The following WWOX variants were observed in gnomAD, a reference collection of about 807,000 sequenced individuals.
WWOX encodes WW domain containing oxidoreductase.
WWOX carries 69 observed loss-of-function variants against 46.2 expected under a neutral mutation model. The ratio of observed to expected loss-of-function variants is 1.49; its 90% CI spans 1.23 to 1.82. WWOX has a LOEUF of 1.82. Ranked by LOEUF, WWOX falls within the 40% of genes most tolerant of loss-of-function variation. WWOX has a pLI of 0.00. For missense variants in WWOX, 919 were observed against 542.6 expected (o/e 1.69, Z -6.89); for synonymous variants, 359 against 202.6 (o/e 1.77, Z -6.56).
At chr16:78,537,935 C>T (rs180785657) in intron 8 of WWOX, among the ~76,000 whole-genome samples, 60 of 152,100 alleles carry the variant, frequency 3.9e-4, no homozygotes, top group Admixed American at 2.6e-4. Context: ...ACAGCAGCCC[C>T]GGCCTATCTC....
intron 8 of WWOX, among the ~76,000 whole-genome samples, chr16:78,546,032 A>G (rs2044022938): frequency 6.6e-6 from 1 of 152,194 alleles, no homozygotes; most frequent in South Asian, 2.1e-4. Flanking sequence ...TTAGTCTGTA[A>G]CATGCTCTAT....
At chr16:78,951,634 G>T (rs188563619) in intron 8 of WWOX, among the ~76,000 whole-genome samples, 126 of 152,330 alleles carry the variant, frequency 8.3e-4, no homozygotes, top group African/African-American at 2.7e-3. Flanking sequence ...GACAGTGGCA[G>T]TCTTGATGTC....
intron 8 of WWOX, among the ~76,000 whole-genome samples, chr16:78,520,722 C>T (rs1222258370): frequency 2.0e-5 from 3 of 151,946 alleles, no homozygotes; most frequent in African/African-American, 7.3e-5. Context: ...CTGCATTGGC[C>T]ACCCCTGTAC....
At chr16:79,007,799 C>T (rs2047219593) in intron 8 of WWOX, among the ~76,000 whole-genome samples, 1 of 152,180 alleles carries the variant, frequency 6.6e-6, no homozygotes, top group South Asian at 2.1e-4. Context: ...TTATCATTGA[C>T]TAATAATGGT....
At chr16:79,018,802 C>T (rs981830332) in intron 8 of WWOX, among the ~76,000 whole-genome samples, 8 of 152,048 alleles carry the variant, frequency 5.3e-5, no homozygotes, top group Non-Finnish European at 1.2e-4. Context: ...TTTTGTTCCC[C>T]ATAGACCCAA....
chr16:79,058,094 A>T (rs187145927), intron 8 of WWOX, among the ~76,000 whole-genome samples: 41 of 147,044 alleles, frequency 2.8e-4, no homozygotes, highest in Admixed American at 1.2e-3. Flanking sequence ...AGAGTAGGAG[A>T]TATATCTTAC....
At chr16:78,343,329 C>G (rs1316374168) in intron 5 of WWOX, among the ~76,000 whole-genome samples, 1 of 121,328 alleles carries the variant, frequency 8.2e-6, no homozygotes, top group South Asian at 2.5e-4. Flanking sequence ...TCCTCGCCTA[C>G]TTGCTTCTAG....
intron 8 of WWOX, among the ~76,000 whole-genome samples, chr16:79,070,956 T>C (rs905662880): frequency 6.6e-6 from 1 of 152,178 alleles, no homozygotes; most frequent in Non-Finnish European, 1.5e-5. Context: ...AGGTGGTTTC[T>C]TACTATGTCC....
At chr16:78,847,627 T>A (rs1039436216) in intron 8 of WWOX, among the ~76,000 whole-genome samples, 2 of 152,098 alleles carry the variant, frequency 1.3e-5, no homozygotes, top group African/African-American at 4.8e-5. Flanking sequence ...AGCCACTGCA[T>A]CTAGCCACAA....
At chr16:78,628,759 TGAAAG>T (rs1385196018) in intron 8 of WWOX, among the ~76,000 whole-genome samples, 2 of 152,180 alleles carry the variant, frequency 1.3e-5, no homozygotes, top group African/African-American at 2.4e-5. Flanking sequence ...AAATGAATTA[TGAAAG>T]GAAGAGGAGA....
In WWOX at chr16:78,802,926, AAAAAAAAAAAAAAAAACAAC is replaced by A. The variant is rs1417156983; in HGVS notation, c.1056+370178_1056+370197del. ...GCAAGACTTCATCTGAAAAAAAAAA[AAAAAAAAAAAAAAAAACAAC>A]AAACAGAAAAATGAACGAGTGAGTG... On this transcript the variant is annotated intron_variant, in intron 8 of 8. Coordinates refer to ENST00000566780, the MANE Select transcript of WWOX (RefSeq NM_016373.4). Among the ~76,000 whole-genome samples, 8 of 110,424 alleles carry A rather than the reference AAAAAAAAAAAAAAAAACAAC, an allele frequency of 7.2e-5. 1 individual carries two copies. Among genetic ancestry groups the A allele is most frequent in the Non-Finnish European group, 1.1e-4 (6 of 53,226 alleles). The allele number at this position is 110,424 out of a possible 152,430, so 72.4% of individuals were successfully genotyped here. A position where few individuals can be genotyped will look rare whatever the true frequency, so the allele number is the denominator to read the frequency against.
At chr16:78,858,215 T>C (rs1162727358) in intron 8 of WWOX, among the ~76,000 whole-genome samples, 1 of 151,404 alleles carries the variant, frequency 6.6e-6, no homozygotes, top group African/African-American at 2.4e-5. Context: ...TCAATCGTTT[T>C]AGGGGTAAAG....
intron 5 of WWOX, among the ~76,000 whole-genome samples, chr16:78,294,951 T>G (rs1412496112): frequency 6.6e-6 from 1 of 152,168 alleles, no homozygotes. Context: ...CTTTCTACTT[T>G]GTTTTCTATT....
chr16:78,543,723 G>T (rs1485981205), intron 8 of WWOX, among the ~76,000 whole-genome samples: 1 of 152,070 alleles, frequency 6.6e-6, no homozygotes, highest in Non-Finnish European at 1.5e-5. Context: ...TCTTGTGGAG[G>T]GAACATCCAT....
At chr16:78,672,723 C>A (rs185949236) in intron 8 of WWOX, among the ~76,000 whole-genome samples, 1 of 152,282 alleles carries the variant, frequency 6.6e-6, no homozygotes, top group East Asian at 1.9e-4. Context: ...CCCAGAGGAC[C>A]GTTACTGGTC....
chr16:78,379,450 C>T (rs1034495882), intron 5 of WWOX, among the ~76,000 whole-genome samples: 1 of 152,184 alleles, frequency 6.6e-6, no homozygotes, highest in African/African-American at 2.4e-5. Context: ...GGGCTTCTTC[C>T]ACCTCCAGCC....
At chr16:79,037,584 A>T (rs968693486) in intron 8 of WWOX, among the ~76,000 whole-genome samples, 16 of 152,180 alleles carry the variant, frequency 1.1e-4, no homozygotes, top group African/African-American at 3.6e-4. Context: ...CAAGGTCTAC[A>T]ACTGCACCCT....
At chr16:78,652,838 T>G (rs1597397274) in intron 8 of WWOX, among the ~76,000 whole-genome samples, 2 of 152,320 alleles carry the variant, frequency 1.3e-5, no homozygotes, top group African/African-American at 2.4e-5. Flanking sequence ...ATAAGTAAAT[T>G]ATATGATTGG....
chr16:78,919,581 G>C (rs1224561643), intron 8 of WWOX, among the ~76,000 whole-genome samples: 1 of 140,792 alleles, frequency 7.1e-6, no homozygotes. Flanking sequence ...ACAATGGCGC[G>C]ATCTCAGCTC....
Sources: allele counts gnomAD v4.1 joint callset (sites outside exome capture counted in the v4.1 genomes callset), GRCh38; gene constraint gnomAD v4.1.1; transcripts MANE v1.5; gene names NCBI Gene and HGNC (gene_info 2026-07-23, HGNC 2026-07-21).